NCK1: variants seen among roughly 807,000 people sequenced by gnomAD.
NCK1 encodes the protein SH2/SH3 adapter protein NCK1.
NCK1 carries 19 observed loss-of-function variants against 36.6 expected under a neutral mutation model. The observed-to-expected ratio is 0.52, with a 90% CI of 0.36 to 0.76. The LOEUF (loss-of-function observed/expected upper bound fraction) is 0.76, where lower values mean the gene tolerates loss of function less well. Among genes scored for constraint, NCK1 ranks in the 30% least tolerant of loss-of-function variants. The pLI is 0.00. For synonymous variants in NCK1, 165 were observed against 156.0 expected, an observed-to-expected ratio of 1.06 and a Z score of -0.43; for missense variants, 358 against 445.6, an observed-to-expected ratio of 0.80 and a Z score of 1.77.
At chr3:136,930,980 C>CTT (rs34682748) in intron 2 of NCK1, among the ~76,000 whole-genome samples, 5 of 149,368 alleles carry the variant, frequency 3.3e-5, no homozygotes, top group African/African-American at 9.8e-5. Flanking sequence ...TTGGAATTAA[C>CTT]TTTTTTTTTT....
intron 1 of NCK1, among the ~76,000 whole-genome samples, chr3:136,869,082 A>T (rs76148091): frequency 0.048 from 7,355 of 151,726 alleles, 599 homozygotes; most frequent in African/African-American, 0.17. Flanking sequence ...TACTAAAGAT[A>T]TAAAAAAATG....
intron 1 of NCK1, among the ~76,000 whole-genome samples, chr3:136,881,216 CTTATT>C (rs1311401150): frequency 7.2e-5 from 11 of 151,826 alleles, no homozygotes; most frequent in African/African-American, 1.9e-4. Flanking sequence ...CTATTGGCCT[CTTATT>C]TTATTTAATT....
chr3:136,904,510 T>G (rs962164748), intron 1 of NCK1, among the ~76,000 whole-genome samples: 6 of 152,226 alleles, frequency 3.9e-5, no homozygotes, highest in Non-Finnish European at 7.3e-5. Flanking sequence ...AGGTTTCTGC[T>G]GAGAATTCCA....
intron 1 of NCK1, among the ~76,000 whole-genome samples, chr3:136,912,826 AT>A (rs1032481378): frequency 6.7e-6 from 1 of 149,142 alleles, no homozygotes; most frequent in African/African-American, 2.5e-5. Flanking sequence ...TAATTTTTAA[AT>A]TTTTTTTGTA....
chr3:136,866,640 G>A (rs1364549140), intron 1 of NCK1, among the ~76,000 whole-genome samples: 3 of 142,582 alleles, frequency 2.1e-5, no homozygotes, highest in African/African-American at 2.6e-5. Context: ...TCTTTGAGGC[G>A]TCTCACTCTG....
intron 1 of NCK1, among the ~76,000 whole-genome samples, chr3:136,881,897 A>T (rs543140453): frequency 6.6e-6 from 1 of 152,276 alleles, no homozygotes; most frequent in South Asian, 2.1e-4. Context: ...TTGCTTATAT[A>T]TACCACATTT....
At chr3:136,915,567 T>A (rs1436720620) in intron 1 of NCK1, among the ~76,000 whole-genome samples, 1 of 152,150 alleles carries the variant, frequency 6.6e-6, no homozygotes, top group African/African-American at 2.4e-5. Context: ...TTAATAGGGC[T>A]GTATTAGTCT....
chr3:136,892,783 T>C (rs1467167259), intron 1 of NCK1, among the ~76,000 whole-genome samples: 1 of 152,198 alleles, frequency 6.6e-6, no homozygotes, highest in African/African-American at 2.4e-5. Context: ...AAGGAGAGAC[T>C]GAGAGCATGA....
chr3:136,916,682 AATTAG>A (rs1288736780), intron 1 of NCK1, among the ~76,000 whole-genome samples: 1 of 152,330 alleles, frequency 6.6e-6, no homozygotes, highest in East Asian at 1.9e-4. Flanking sequence ...GAAATATAAT[AATTAG>A]ATTAGAAGGG....
At chr3:136,868,032 C>T (rs747325125) in intron 1 of NCK1, among the ~76,000 whole-genome samples, 7 of 152,052 alleles carry the variant, frequency 4.6e-5, no homozygotes, top group Non-Finnish European at 7.3e-5. Context: ...ATTCTCTTGC[C>T]TCAGCCTCCT....
intron 1 of NCK1, among the ~76,000 whole-genome samples, chr3:136,875,303 T>A (rs966049986): frequency 6.6e-6 from 1 of 152,082 alleles, no homozygotes. Context: ...TTTCTAGATA[T>A]ACAATCATGT....
chr3:136,927,983 GT>G lies in NCK1; in HGVS notation c.-18del. The G allele has an allele frequency of 6.3e-7, 1 of 1,580,012 alleles. No individual in the cohort carries two copies. On this transcript the variant is annotated splice_region_variant and 5_prime_UTR_variant, in exon 2 of 4. Coordinates refer to ENST00000481752, the MANE Select transcript of NCK1 (RefSeq NM_001291999.2). ...TAAAAATATTTTCCATGTGTTTACA[GT>G]GCTGAAGCTGCTGAAAGATGGCAGA...
intron 2 of NCK1, chr3:136,928,833 A>G (rs2108130697): frequency 6.6e-6 from 1 of 150,730 alleles, no homozygotes; most frequent in South Asian, 2.1e-4. Flanking sequence ...GGAAGGAAAT[A>G]TGCATGGGCA....
chr3:136,899,735 A>T, intron 1 of NCK1: 1 of 948,108 alleles, frequency 1.1e-6, no homozygotes, highest in Non-Finnish European at 1.7e-6. Flanking sequence ...TTTCTGTTCT[A>T]CTATTGCCAT....
chr3:136,942,408 C>G (rs1397248132), intron 2 of NCK1, among the ~76,000 whole-genome samples: 1 of 152,182 alleles, frequency 6.6e-6, no homozygotes, highest in Admixed American at 6.5e-5. Context: ...TCATGTGGGG[C>G]CGCTGAAGTC....
intron 1 of NCK1, among the ~76,000 whole-genome samples, chr3:136,923,888 G>A (rs562702747): frequency 2.6e-5 from 4 of 152,276 alleles, no homozygotes; most frequent in Admixed American, 6.5e-5. Context: ...CTAACTCTAC[G>A]TCCAGTTGGT....
chr3:136,938,230 C>T (rs1245537374), intron 2 of NCK1, among the ~76,000 whole-genome samples: 1 of 152,048 alleles, frequency 6.6e-6, no homozygotes, highest in Non-Finnish European at 1.5e-5. Flanking sequence ...GTTGAACCAC[C>T]CTTGCATAAA....
intron 2 of NCK1, among the ~76,000 whole-genome samples, chr3:136,930,262 A>G (rs2108132335): frequency 6.6e-6 from 1 of 152,356 alleles, no homozygotes; most frequent in Non-Finnish European, 1.5e-5. Flanking sequence ...TAATTCATGA[A>G]TATATTTTAA....
chr3:136,938,750 A>G (rs1940598103), intron 2 of NCK1, among the ~76,000 whole-genome samples: 1 of 152,240 alleles, frequency 6.6e-6, no homozygotes, highest in Admixed American at 6.5e-5. Context: ...AAACACACAT[A>G]AAACAGGGTT....
Sources: allele counts gnomAD v4.1 joint callset (sites outside exome capture counted in the v4.1 genomes callset), GRCh38; gene constraint gnomAD v4.1.1; transcripts MANE v1.5; gene names NCBI Gene and HGNC (gene_info 2026-07-23, HGNC 2026-07-21).